The following NOTCH2NLC variants were observed in gnomAD, a reference collection of about 807,000 sequenced individuals.
NOTCH2NLC encodes notch 2 N-terminal like C.
Under a neutral mutation model 17.7 loss-of-function variants are expected in NOTCH2NLC, and 4 were observed. That is an observed-to-expected ratio of 0.23 (90% CI 0.11 to 0.52). The LOEUF (loss-of-function observed/expected upper bound fraction) is 0.52. Among genes scored for constraint, NOTCH2NLC ranks in the 20% least tolerant of loss-of-function variants. The probability of loss-of-function intolerance (pLI) is 0.96; values close to 1 mark genes in which losing one functional copy is unlikely to be tolerated. For missense variants in NOTCH2NLC, 57 were observed against 207.2 expected (o/e 0.28, Z 4.45); for synonymous variants, 18 against 86.0 (o/e 0.21, Z 4.38).
intron 1 of NOTCH2NLC, among the ~76,000 whole-genome samples, chr1:149,416,106 T>C (rs1217530015): frequency 1.6e-5 from 2 of 128,928 alleles, no homozygotes; most frequent in African/African-American, 5.8e-5. Context: ...TGTGGGACAG[T>C]ATACCAAACT....
At chr1:149,430,028 C>G (rs2101488379) in intron 1 of NOTCH2NLC, among the ~76,000 whole-genome samples, 1 of 150,660 alleles carries the variant, frequency 6.6e-6, no homozygotes, top group South Asian at 2.1e-4. Context: ...ACTCTAAAAG[C>G]TAAACAATCA....
intron 1 of NOTCH2NLC, among the ~76,000 whole-genome samples, chr1:149,399,820 T>G (rs2084232783): frequency 1.4e-5 from 2 of 146,322 alleles, no homozygotes; most frequent in Non-Finnish European, 3.0e-5. Flanking sequence ...AAAATAGTTG[T>G]AACTAAAAAC....
intron 3 of NOTCH2NLC, among the ~76,000 whole-genome samples, chr1:149,462,918 C>T (rs1410496721): frequency 1.4e-5 from 2 of 144,092 alleles, no homozygotes; most frequent in African/African-American, 5.1e-5. Context: ...TCACTGCAAC[C>T]TCCGCCTCCT....
rs1455055477 is a variant in NOTCH2NLC at position 149,467,425 on chromosome 1, A to G, written c.*3272A>G. On this transcript the variant is annotated 3_prime_UTR_variant, in exon 5 of 5. Coordinates refer to ENST00000650865, the MANE Select transcript of NOTCH2NLC (RefSeq NM_001364013.2). ...AGAGGGAATTAAAACTACAAAAATG[A>G]CGCGTCTTGTATGACACAGAAAGAA... is the stretch of plus-strand genomic sequence containing the variant. The G allele has an allele frequency of 5.5e-5, 8 of 145,496 alleles. No homozygotes were observed. Among genetic ancestry groups the G allele is most frequent in the Admixed American group, 1.4e-4 (2 of 14,106 alleles). The allele number at this position is 145,496 out of a possible 1,614,324, so 9.0% of individuals were successfully genotyped here.
At chr1:149,462,739 G>T (rs2084657016) in intron 3 of NOTCH2NLC, among the ~76,000 whole-genome samples, 1 of 149,736 alleles carries the variant, frequency 6.7e-6, no homozygotes, top group East Asian at 2.0e-4. Context: ...GCACATGTAT[G>T]TATGTGAGGG....
At chr1:149,460,959 C>G (rs2084646745) in intron 3 of NOTCH2NLC, among the ~76,000 whole-genome samples, 2 of 141,214 alleles carry the variant, frequency 1.4e-5, no homozygotes, top group South Asian at 4.5e-4. Flanking sequence ...CTCTTTCTGT[C>G]TTTCTTTCTT....
chr1:149,425,447 A>C (rs1399702021), intron 1 of NOTCH2NLC, among the ~76,000 whole-genome samples: 5,785 of 151,462 alleles, frequency 0.038, 360 homozygotes, highest in Middle Eastern at 0.062. Flanking sequence ...TTCAGGAAAG[A>C]GGGCATAAAC....
intron 3 of NOTCH2NLC, among the ~76,000 whole-genome samples, chr1:149,462,063 A>G (rs1323866074): frequency 1.4e-5 from 2 of 139,794 alleles, no homozygotes; most frequent in Admixed American, 7.2e-5. Flanking sequence ...GCACACCAAC[A>G]TGGCACATAT....
intron 1 of NOTCH2NLC, among the ~76,000 whole-genome samples, chr1:149,395,489 A>G (rs2084199721): frequency 6.7e-6 from 1 of 148,306 alleles, no homozygotes; most frequent in Non-Finnish European, 1.5e-5. Context: ...CACTTCTGCA[A>G]TTTATAAAGG....
In NOTCH2NLC at chr1:149,468,770, G is replaced by A. The variant is rs1243580606; in HGVS notation, c.*4617G>A. Among the ~76,000 whole-genome samples, 1 of 143,356 alleles carries A rather than the reference G, an allele frequency of 7.0e-6. No homozygotes were observed. The highest frequency in any genetic ancestry group is 7.2e-5 in the Admixed American group (1 of 13,868). 94.0% of individuals were successfully genotyped at this position (143,356 alleles called of 152,430 possible). The stretch of plus-strand genomic sequence containing the variant: ...GGTCAGTAGGGAGATATGAAGGGAC[G>A]CAAGTGGAAGCAGTGAGCCTGGGCG... On this transcript the variant is annotated 3_prime_UTR_variant, in exon 5 of 5. Transcript: ENST00000650865.
At position 149,464,731 on chromosome 1, in the gene NOTCH2NLC, C is replaced by G. The variant is rs1337825338; in HGVS notation, c.*578C>G. 6.7e-6 allele frequency: 1 copy of G among 150,300 alleles called. No homozygotes were observed. Among genetic ancestry groups the G allele is most frequent in the African/African-American group, 2.4e-5 (1 of 40,830 alleles). The allele number at this position is 150,300 out of a possible 1,614,324, so 9.3% of individuals were successfully genotyped here. On this transcript the variant is annotated 3_prime_UTR_variant, in exon 5 of 5. Coordinates refer to ENST00000650865, the MANE Select transcript of NOTCH2NLC (RefSeq NM_001364013.2). ...AGATGAATTACTAAGCAACAAAGAT[C>G]CTGTTTTTATACAAATATCCTTAGT... is the stretch of plus-strand genomic sequence containing the variant.
chr1:149,442,253 G>A (rs1206792629), intron 2 of NOTCH2NLC, among the ~76,000 whole-genome samples: 7 of 148,784 alleles, frequency 4.7e-5, no homozygotes, highest in African/African-American at 1.2e-4. Flanking sequence ...CTTCTCTTTG[G>A]TTGTTCTTTG....
intron 1 of NOTCH2NLC, among the ~76,000 whole-genome samples, chr1:149,395,728 AT>A (rs1387600326): frequency 3.5e-5 from 5 of 142,422 alleles, no homozygotes; most frequent in African/African-American, 5.2e-5. Flanking sequence ...TATTTTGATA[AT>A]TTTTTTTGAG....
intron 1 of NOTCH2NLC, among the ~76,000 whole-genome samples, chr1:149,423,536 C>CT (rs2084391124): frequency 1.3e-5 from 2 of 148,320 alleles, no homozygotes; most frequent in Non-Finnish European, 3.0e-5. Context: ...TTTTAGAAAA[C>CT]TTTGCTTTGT....
chr1:149,409,518 A>G (rs1259795702), intron 1 of NOTCH2NLC, among the ~76,000 whole-genome samples: 3 of 147,936 alleles, frequency 2.0e-5, no homozygotes, highest in Non-Finnish European at 4.5e-5. Context: ...ACATAGATTG[A>G]CACACCCAAT....
At chr1:149,393,434 A>G (rs1210365636) in intron 1 of NOTCH2NLC, among the ~76,000 whole-genome samples, 2 of 149,614 alleles carry the variant, frequency 1.3e-5, no homozygotes, top group African/African-American at 4.9e-5. Flanking sequence ...CTAAGGTACC[A>G]ATTACAGCAC....
chr1:149,438,092 A>T (rs1418022251), intron 2 of NOTCH2NLC, among the ~76,000 whole-genome samples: 1 of 150,920 alleles, frequency 6.6e-6, no homozygotes, highest in Non-Finnish European at 1.5e-5. Flanking sequence ...TGGTAGTTCA[A>T]ATGGAACCTT....
At chr1:149,416,757 T>C (rs1412690953) in intron 1 of NOTCH2NLC, among the ~76,000 whole-genome samples, 7 of 150,198 alleles carry the variant, frequency 4.7e-5, no homozygotes, top group Admixed American at 4.6e-4. Context: ...GGAGAAATAA[T>C]GCATAGTGTA....
At chr1:149,424,742 A>G (rs1368607901) in intron 1 of NOTCH2NLC, among the ~76,000 whole-genome samples, 1 of 151,348 alleles carries the variant, frequency 6.6e-6, no homozygotes, top group Non-Finnish European at 1.5e-5. Context: ...TGCATATTGT[A>G]CAAGAAGTTT....
Sources: allele counts gnomAD v4.1 joint callset (sites outside exome capture counted in the v4.1 genomes callset), GRCh38; gene constraint gnomAD v4.1.1; transcripts MANE v1.5; gene names NCBI Gene and HGNC (gene_info 2026-07-23, HGNC 2026-07-21).